PCMT1: variants seen among roughly 807,000 people sequenced by gnomAD.
PCMT1 encodes the protein protein-L-isoaspartate (D-aspartate) O-methyltransferase, also known as protein-L-isoaspartate(D-aspartate) O-methyltransferase.
PCMT1 carries 9 observed loss-of-function variants against 29.2 expected under a neutral mutation model. The observed-to-expected ratio is 0.31, with a 90% CI of 0.19 to 0.54. PCMT1 has a LOEUF of 0.54. Ranked by LOEUF, PCMT1 falls within the 20% of genes least tolerant of loss-of-function variation. The pLI is 0.95. For synonymous variants in PCMT1, 98 were observed against 97.5 expected (o/e 1.00, Z -0.03); for missense variants, 184 against 282.2 (o/e 0.65, Z 2.49).
intron 1 of PCMT1, among the ~76,000 whole-genome samples, chr6:149,765,966 CA>C (rs1294849330): frequency 2.4e-5 from 3 of 126,736 alleles, no homozygotes; most frequent in African/African-American, 3.3e-5. Flanking sequence ...AACTCTGTCT[CA>C]AAAAAAAAAT....
chr6:149,802,314 C>G lies in PCMT1; in HGVS notation c.619C>G (p.Pro207Ala). 1 of 1,613,448 alleles carries G rather than the reference C, an allele frequency of 6.2e-7. No individual in the cohort carries two copies. The highest frequency in any genetic ancestry group is 1.1e-5 in the South Asian group (1 of 91,040). Residue 207 changes from proline (P) to alanine (A), a missense_variant, in exon 7 of 8, where the codon CCT becomes GCT. By Grantham distance (27) the Pro-to-Ala change is conservative (BLOSUM62 -1). Coordinates refer to ENST00000464889, the MANE Select transcript of PCMT1 (RefSeq NM_001360452.2). Reference sequence around the variant, plus strand: ...ACAAGATGGCAGCATCAAAATGAAGCCTCTGATGGGGGTGATATACGTGCC... The same window carrying G: ...ACAAGATGGCAGCATCAAAATGAAGGCTCTGATGGGGGTGATATACGTGCC... Reference protein sequence around the residue: ...KLQDGSIKMKPLMGVIYVPLT... With the variant: ...KLQDGSIKMKALMGVIYVPLT...
In PCMT1 at chr6:149,751,881, A is replaced by AT. The variant is rs201467579; in HGVS notation, c.55+1937dup. ...TGTTTGGTAAGAGAGAATGTTGATT[A>AT]TTTTTTTTTTTTAGACAGGGTTTCA... On this transcript the variant is annotated intron_variant, in intron 1 of 7. Transcript: ENST00000464889. Among the ~76,000 whole-genome samples, 390 of 142,480 alleles carry AT rather than the reference A, an allele frequency of 2.7e-3. 3 individuals carry two copies. Among genetic ancestry groups the AT allele is most frequent in the East Asian group, 0.024 (116 of 4,826 alleles). The allele number at this position is 142,480 out of a possible 152,430, so 93.5% of individuals were successfully genotyped here.
At position 149,804,383 on chromosome 6, in the gene PCMT1, A is replaced by G. The variant is rs185915176; in HGVS notation, c.*37+1967A>G. Reference sequence around the variant, plus strand: ...TATAATTTATAATTTATAATTATGAAGGAATTATAAAAAGGGAATTTTGTT... The same window carrying G: ...TATAATTTATAATTTATAATTATGAGGGAATTATAAAAAGGGAATTTTGTT... On this transcript the variant is annotated intron_variant, in intron 7 of 7. Coordinates refer to ENST00000464889, the MANE Select transcript of PCMT1 (RefSeq NM_001360452.2). Among the ~76,000 whole-genome samples the G allele has an allele frequency of 2.5e-3, 385 of 152,302 alleles. 1 individual carries two copies. The highest frequency in any genetic ancestry group is 8.9e-3 in the African/African-American group (369 of 41,582).
chr6:149,790,340 T>C (rs539216873), intron 4 of PCMT1, among the ~76,000 whole-genome samples: 67 of 152,248 alleles, frequency 4.4e-4, no homozygotes, highest in African/African-American at 1.5e-3. Context: ...GATGTTGTTA[T>C]TGACGATAGG....
intron 3 of PCMT1, among the ~76,000 whole-genome samples, chr6:149,787,168 C>G (rs940515455): frequency 1.2e-4 from 18 of 146,988 alleles, no homozygotes; most frequent in Non-Finnish European, 2.1e-4. Flanking sequence ...ATCGCAGGCA[C>G]TCGGCAGGCT....
chr6:149,809,322 A>G (rs1275008959), intron 7 of PCMT1, among the ~76,000 whole-genome samples: 1 of 151,480 alleles, frequency 6.6e-6, no homozygotes, highest in Non-Finnish European at 1.5e-5. Context: ...CATATTCTAA[A>G]AAGCAGAAGT....
intron 7 of PCMT1, among the ~76,000 whole-genome samples, chr6:149,806,321 G>C (rs767081861): frequency 6.6e-6 from 1 of 152,166 alleles, no homozygotes; most frequent in Non-Finnish European, 1.5e-5. Flanking sequence ...TTACATTTCA[G>C]AAAGATAACT....
At chr6:149,771,133 TCTG>T in intron 1 of PCMT1, 26 bp from the exon 2 acceptor site, 1 of 1,266,084 alleles carries the variant, frequency 7.9e-7, no homozygotes, top group Non-Finnish European at 1.2e-6. Flanking sequence ...GTCTCTCTCT[TCTG>T]AAAATATTTG....
At chr6:149,783,553 T>TGTGGTGG (rs1407110185) in intron 3 of PCMT1, among the ~76,000 whole-genome samples, 14 of 152,160 alleles carry the variant, frequency 9.2e-5, no homozygotes, top group Admixed American at 2.6e-4. Flanking sequence ...TATTATATAC[T>TGTGGTGG]TCTTAATGTG....
chr6:149,772,031 T>A (rs1007193735), intron 2 of PCMT1: 9 of 456,696 alleles, frequency 2.0e-5, no homozygotes, highest in African/African-American at 1.8e-4. Flanking sequence ...TGTATTTAAC[T>A]CCTTCTCCTG....
At chr6:149,794,554 G>T (rs1357265492) in intron 5 of PCMT1, among the ~76,000 whole-genome samples, 2 of 152,192 alleles carry the variant, frequency 1.3e-5, no homozygotes, top group Non-Finnish European at 2.9e-5. Flanking sequence ...AGAGGTGGAG[G>T]TTGCAGTAAG....
At chr6:149,805,507 T>G (rs761721464) in intron 7 of PCMT1, among the ~76,000 whole-genome samples, 15 of 151,692 alleles carry the variant, frequency 9.9e-5, no homozygotes, top group South Asian at 2.1e-4. Flanking sequence ...AGCAGGAGAA[T>G]GGCGTGAACC....
rs950822230 is a variant in PCMT1, at chr6:149,810,683, T to G, written c.*105T>G. 5 of 1,424,094 alleles carry G rather than the reference T, an allele frequency of 3.5e-6. No homozygotes were observed. The highest frequency in any genetic ancestry group is 4.8e-6 in the Non-Finnish European group (5 of 1,035,402). 88.2% of individuals were successfully genotyped at this position (1,424,094 alleles called of 1,614,324 possible). A position where few individuals can be genotyped will look rare whatever the true frequency, so the allele number is the denominator to read the frequency against. Reference sequence around the variant, plus strand: ...TACAGTGGATTGCTCATCTCAGTCCTCAAAGCTTTTTGAAAACCAACACCA... The same window carrying G: ...TACAGTGGATTGCTCATCTCAGTCCGCAAAGCTTTTTGAAAACCAACACCA... On this transcript the variant is annotated 3_prime_UTR_variant, in exon 8 of 8. Transcript: ENST00000464889.
chr6:149,795,148 A>G lies in PCMT1; in HGVS notation c.419-1267A>G, dbSNP rs145294204. On this transcript the variant is annotated intron_variant, in intron 5 of 7. Coordinates refer to ENST00000464889, the MANE Select transcript of PCMT1 (RefSeq NM_001360452.2). ...GCGGAGGTTGCAGTGAGCTGAGATC[A>G]CGCCATTGCACTCTAGCCTGGCAGA... The G allele has an allele frequency of 2.0e-4, 59 of 297,662 alleles. 1 individual carries two copies. The highest frequency in any genetic ancestry group is 1.2e-3 in the African/African-American group (54 of 43,952). The allele number at this position is 297,662 out of a possible 1,614,324, so 18.4% of individuals were successfully genotyped here.
intron 2 of PCMT1, chr6:149,771,871 C>T: frequency 2.5e-6 from 1 of 404,828 alleles, no homozygotes; most frequent in East Asian, 7.1e-5. Context: ...GCTGAGTTTT[C>T]TTTAGGGGCC....
chr6:149,770,705 CAA>C (rs1302278944), intron 1 of PCMT1, among the ~76,000 whole-genome samples: 20 of 63,670 alleles, frequency 3.1e-4, no homozygotes, highest in African/African-American at 7.6e-4. Context: ...GACTCCATCT[CAA>C]AAAAAAAAAA....
chr6:149,779,283 C>T (rs1195988049), intron 3 of PCMT1, among the ~76,000 whole-genome samples: 2 of 152,082 alleles, frequency 1.3e-5, no homozygotes, highest in Non-Finnish European at 2.9e-5. Flanking sequence ...GAGTAATTAA[C>T]TGCCTTTGAT....
chr6:149,788,727 A>C (rs952030479), intron 3 of PCMT1, among the ~76,000 whole-genome samples: 4 of 152,096 alleles, frequency 2.6e-5, no homozygotes, highest in Non-Finnish European at 5.9e-5. Context: ...TAAAATTACT[A>C]TTTTTCCTTT....
intron 1 of PCMT1, among the ~76,000 whole-genome samples, chr6:149,752,932 G>C (rs1356702918): frequency 6.6e-6 from 1 of 151,940 alleles, no homozygotes; most frequent in African/African-American, 2.4e-5. Context: ...ATGTTTTTCT[G>C]TCAGGAAATT....
Sources: allele counts gnomAD v4.1 joint callset (sites outside exome capture counted in the v4.1 genomes callset), GRCh38; gene constraint gnomAD v4.1.1; transcripts MANE v1.5; gene names NCBI Gene and HGNC (gene_info 2026-07-23, HGNC 2026-07-21).